SLIRP: variants seen among roughly 807,000 people sequenced by gnomAD.
SLIRP encodes SRA stem-loop-interacting RNA-binding protein, mitochondrial.
SLIRP carries 12 observed loss-of-function variants against 13.4 expected under a neutral mutation model. That is an observed-to-expected ratio of 0.89 (90% CI 0.57 to 1.45). The LOEUF is 1.45. Among genes scored for constraint, SLIRP ranks in the 40% most tolerant of loss-of-function variants. SLIRP has a pLI of 0.00. For synonymous variants in SLIRP, 55 were observed against 47.1 expected, an observed-to-expected ratio of 1.17 and a Z score of -0.69; for missense variants, 154 against 132.2, an observed-to-expected ratio of 1.17 and a Z score of -0.81.
intron 2 of SLIRP, among the ~76,000 whole-genome samples, chr14:77,712,724 G>A (rs972030143): frequency 2.0e-5 from 3 of 152,206 alleles, no homozygotes. Context: ...GGGATTACAG[G>A]TGTGAGCCTT....
At chr14:77,710,521 A>G (rs919706980) in intron 1 of SLIRP, 17 of 1,259,346 alleles carry the variant, frequency 1.3e-5, no homozygotes, top group Non-Finnish European at 1.7e-5. Flanking sequence ...CTGGATTGTA[A>G]TTTGTCTTTT....
intron 2 of SLIRP, chr14:77,712,013 G>A (rs901111731): frequency 1.3e-5 from 2 of 152,142 alleles, no homozygotes; most frequent in African/African-American, 2.4e-5. Context: ...CATTTTGAGT[G>A]ATACTTGATT....
At chr14:77,715,650 A>G (rs2139881831) in intron 2 of SLIRP, 122 bp from the exon 3 acceptor site, 1 of 801,612 alleles carries the variant, frequency 1.2e-6, no homozygotes, top group East Asian at 2.6e-5. Flanking sequence ...GCCTAAAAAT[A>G]AAATAAAATT....
At position 77,715,721 on chromosome 14, in the gene SLIRP, G is replaced by A. The variant is rs1224045889; in HGVS notation, c.157-51G>A. The A allele has an allele frequency of 2.7e-6, 4 of 1,483,178 alleles. No homozygotes were observed. In the East Asian group the frequency reaches 9.1e-5, roughly 34 times the overall value. The allele number at this position is 1,483,178 out of a possible 1,614,324, so 91.9% of individuals were successfully genotyped here. A position where few individuals can be genotyped will look rare whatever the true frequency, so the allele number is the denominator to read the frequency against. Reference sequence around the variant, plus strand: ...TTGGTAGTTTGATTTGGAACTCATGGAAACTTTCTGAAGTTCATGATTAAT... The same window carrying A: ...TTGGTAGTTTGATTTGGAACTCATGAAAACTTTCTGAAGTTCATGATTAAT... On this transcript the variant is annotated intron_variant, in intron 2 of 3. Coordinates refer to ENST00000557342, the MANE Select transcript of SLIRP (RefSeq NM_031210.6).
intron 3 of SLIRP, 112 bp downstream of exon 3, chr14:77,715,991 G>T (rs2080474590): frequency 3.4e-6 from 3 of 891,208 alleles, no homozygotes; most frequent in Non-Finnish European, 5.2e-6. Context: ...GGAGAGATTT[G>T]TAACTGAAGC....
chr14:77,708,749 T>C (rs538415321), intron 1 of SLIRP, among the ~76,000 whole-genome samples: 1 of 152,252 alleles, frequency 6.6e-6, no homozygotes, highest in South Asian at 2.1e-4. Context: ...GTTTAGAAGT[T>C]AGGAGCAGGC....
chr14:77,713,957 T>A (rs2080458080), intron 2 of SLIRP, among the ~76,000 whole-genome samples: 1 of 152,030 alleles, frequency 6.6e-6, no homozygotes, highest in Non-Finnish European at 1.5e-5. Flanking sequence ...TAAAACAAAA[T>A]AAAATATGAC....
At chr14:77,715,110 A>G (rs1016862229) in intron 2 of SLIRP, among the ~76,000 whole-genome samples, 1 of 152,170 alleles carries the variant, frequency 6.6e-6, no homozygotes, top group African/African-American at 2.4e-5. Context: ...TGAGTGCAAC[A>G]AGGCTTTGAG....
chr14:77,708,253 T>C, intron 1 of SLIRP, 45 bp downstream of exon 1: 2 of 1,586,642 alleles, frequency 1.3e-6, no homozygotes, highest in Non-Finnish European at 1.7e-6. Flanking sequence ...TAGGTCCAAG[T>C]GATCCTCAAA....
At chr14:77,717,070 T>TCTGCTTTTCAGGTCAG (rs1282367620) in intron 3 of SLIRP, among the ~76,000 whole-genome samples, 1 of 152,280 alleles carries the variant, frequency 6.6e-6, no homozygotes, top group South Asian at 2.1e-4. Context: ...TGGCCAGCAG[T>TCTGCTTTTCAGGTCAG]CTGCTTTTCA....
intron 1 of SLIRP, among the ~76,000 whole-genome samples, chr14:77,710,049 G>T (rs986793202): frequency 6.6e-6 from 1 of 152,132 alleles, no homozygotes; most frequent in Admixed American, 6.5e-5. Flanking sequence ...TGAACTAGGA[G>T]AACTAAATAG....
At chr14:77,711,123 AC>A (rs1188964304) in intron 2 of SLIRP, among the ~76,000 whole-genome samples, 2 of 151,376 alleles carry the variant, frequency 1.3e-5, no homozygotes, top group Non-Finnish European at 2.9e-5. Context: ...GGGGATAGAT[AC>A]CCCATGCTCC....
chr14:77,712,819 C>T (rs1314342221), intron 2 of SLIRP, among the ~76,000 whole-genome samples: 1 of 152,176 alleles, frequency 6.6e-6, no homozygotes, highest in Admixed American at 6.5e-5. Flanking sequence ...GAGCTGCTCT[C>T]ACCTAGGAAC....
At chr14:77,711,189 T>C (rs1022769834) in intron 2 of SLIRP, among the ~76,000 whole-genome samples, 1 of 147,710 alleles carries the variant, frequency 6.8e-6, no homozygotes, top group Non-Finnish European at 1.5e-5. Flanking sequence ...ATGTACTCCA[T>C]AATAAATATA....
chr14:77,713,415 A>G (rs2080455298), intron 2 of SLIRP, among the ~76,000 whole-genome samples: 1 of 152,126 alleles, frequency 6.6e-6, no homozygotes, highest in Admixed American at 6.5e-5. Context: ...AGGAACTTAA[A>G]TTCTTAATTC....
chr14:77,716,740 G>A (rs1369174580), intron 3 of SLIRP, among the ~76,000 whole-genome samples: 1 of 151,204 alleles, frequency 6.6e-6, no homozygotes. Context: ...AGCAAGATAT[G>A]TAACACAGTG....
At position 77,711,009 on chromosome 14, in the gene SLIRP, T is replaced by C. The variant is rs1595064353; in HGVS notation, c.156+113T>C. 5.7e-6 allele frequency: 5 copies of C among 884,708 alleles called. No homozygotes were observed. In the East Asian group the frequency reaches 1.3e-4, roughly 23 times the overall value. The allele number at this position is 884,708 out of a possible 1,614,324, so 54.8% of individuals were successfully genotyped here. On this transcript the variant is annotated intron_variant, in intron 2 of 3. Transcript: ENST00000557342. ...ACAGGGTGACTATGGTCAATAATAATTGTACATTTTAAAATAACTCAGAGT... is the reference window on the plus strand; with the variant it reads ...ACAGGGTGACTATGGTCAATAATAACTGTACATTTTAAAATAACTCAGAGT...
At chr14:77,714,549 C>T (rs781684706) in intron 2 of SLIRP, among the ~76,000 whole-genome samples, 4 of 152,220 alleles carry the variant, frequency 2.6e-5, no homozygotes, top group African/African-American at 4.8e-5. Flanking sequence ...CATCCATCCA[C>T]CTCAGCCTCC....
At position 77,710,840 on chromosome 14, in the gene SLIRP, C is replaced by A. The variant is rs369851843; in HGVS notation, c.100C>A (p.Gln34Lys). ...TAATGTTTTCTTCTGCCACACAGGT[C>A]AGCTGAAAGAACACTTTGCACAGTT... is the stretch of plus-strand genomic sequence containing the variant. ...RRIPWTAASS[Q>K]LKEHFAQFGH... Residue 34 changes from glutamine to lysine, a missense_variant and splice_region_variant, in exon 2 of 4, where the codon CAG becomes AAG. By Grantham distance (53) the Gln-to-Lys change is moderately conservative (BLOSUM62 1). Transcript: ENST00000557342. The A allele has an allele frequency of 4.5e-5, 72 of 1,614,086 alleles. No homozygotes were observed. The highest frequency in any genetic ancestry group is 2.0e-4 in the South Asian group (18 of 91,078).
Sources: allele counts gnomAD v4.1 joint callset (sites outside exome capture counted in the v4.1 genomes callset), GRCh38; gene constraint gnomAD v4.1.1; transcripts MANE v1.5; gene names NCBI Gene and HGNC (gene_info 2026-07-23, HGNC 2026-07-21).